KCNQ5: variants seen among roughly 807,000 people sequenced by gnomAD.
The protein encoded by KCNQ5 is potassium voltage-gated channel subfamily Q member 5.
KCNQ5 carries 30 observed loss-of-function variants against 98.2 expected under a neutral mutation model. That is an observed-to-expected ratio of 0.31 (90% CI 0.23 to 0.41). The LOEUF (loss-of-function observed/expected upper bound fraction) is 0.41, where lower values mean the gene tolerates loss of function less well. Ranked by LOEUF, KCNQ5 falls within the 10% of genes least tolerant of loss-of-function variation. KCNQ5 has a pLI of 1.00. For missense variants in KCNQ5, 835 were observed against 1,182.5 expected (o/e 0.71, Z 4.31); for synonymous variants, 458 against 449.4 (o/e 1.02, Z -0.24).
chr6:73,190,976 G>A (rs1289472370), intron 12 of KCNQ5, among the ~76,000 whole-genome samples: 5 of 152,214 alleles, frequency 3.3e-5, no homozygotes, highest in Admixed American at 3.3e-4. Context: ...GATTGAACAA[G>A]TTAATGCATG....
chr6:73,029,543 A>G (rs1221522824), intron 2 of KCNQ5, among the ~76,000 whole-genome samples: 2 of 150,654 alleles, frequency 1.3e-5, no homozygotes, highest in African/African-American at 2.4e-5. Context: ...TTCTTAATCT[A>G]TTGTTTAATG....
intron 2 of KCNQ5, among the ~76,000 whole-genome samples, chr6:73,009,416 G>A (rs955595738): frequency 1.3e-5 from 2 of 151,988 alleles, no homozygotes; most frequent in Non-Finnish European, 2.9e-5. Context: ...AAAAATTATA[G>A]CTATAAATGC....
At chr6:73,063,361 C>T (rs1046754505) in intron 3 of KCNQ5, among the ~76,000 whole-genome samples, 3 of 152,236 alleles carry the variant, frequency 2.0e-5, no homozygotes, top group Non-Finnish European at 2.9e-5. Context: ...AGTTGGTTGC[C>T]ATGAATTCTG....
chr6:72,941,341 CTTTCTTCCTTCCTTCT>C lies in KCNQ5; in HGVS notation c.399-62548_399-62533del, dbSNP rs1455229430. On this transcript the variant is annotated intron_variant, in intron 1 of 13. Coordinates refer to ENST00000370398, the MANE Select transcript of KCNQ5 (RefSeq NM_019842.4). ...CCTTCTTTCCTTCCTTCCTTCCTTC[CTTTCTTCCTTCCTTCT>C]TTTCTTCCTTCCTTCTTTCCTCCTT... is the stretch of plus-strand genomic sequence containing the variant. 2.9e-3 allele frequency among the ~76,000 whole-genome samples: 124 copies of C among 42,390 alleles called. 1 individual carries two copies. The highest frequency in any genetic ancestry group is 3.9e-3 in the Non-Finnish European group (36 of 9,178). The allele number at this position is 42,390 out of a possible 152,430, so 27.8% of individuals were successfully genotyped here. A position where few individuals can be genotyped will look rare whatever the true frequency, so the allele number is the denominator to read the frequency against.
chr6:73,193,996 C>T (rs1281114326), intron 13 of KCNQ5, among the ~76,000 whole-genome samples: 1 of 152,022 alleles, frequency 6.6e-6, no homozygotes, highest in African/African-American at 2.4e-5. Context: ...ACCACCACAC[C>T]TGGCTGATTT....
Position 73,195,064 on chromosome 6 carries a change from T to C in KCNQ5, c.2449T>C (p.Ser817Pro). ...SFDMGGETLL[S>P]VCPMVPKDLG... ...TGACATGGGAGGAGAAACTCTGTTG[T>C]CTGTCTGTCCCATGGTGCCGAAGGA... Residue 817 changes from serine to proline, a missense_variant, in exon 14 of 14, where the codon TCT becomes CCT. Ser to Pro is a moderately conservative substitution (Grantham distance 74). This residue lies in a region of KCNQ5 where 416 missense variants were observed against 446.9 expected (regional missense o/e 0.93). Coordinates refer to ENST00000370398, the MANE Select transcript of KCNQ5 (RefSeq NM_019842.4). 6.2e-7 allele frequency: 1 copy of C among 1,614,216 alleles called. No homozygotes were observed. The highest frequency in any genetic ancestry group is 8.5e-7 in the Non-Finnish European group (1 of 1,180,042).
At chr6:72,680,188 T>C (rs146005913) in intron 1 of KCNQ5, among the ~76,000 whole-genome samples, 18 of 152,292 alleles carry the variant, frequency 1.2e-4, no homozygotes, top group African/African-American at 4.1e-4. Context: ...GTACTCTCCA[T>C]CCCCTACCAC....
intron 10 of KCNQ5, among the ~76,000 whole-genome samples, chr6:73,166,078 C>T (rs1464147053): frequency 3.3e-5 from 5 of 152,066 alleles, no homozygotes; most frequent in Admixed American, 2.0e-4. Context: ...AGGTGTCGCT[C>T]GGCAAGTTTC....
intron 1 of KCNQ5, among the ~76,000 whole-genome samples, chr6:72,871,527 T>G (rs1027716337): frequency 1.1e-4 from 17 of 152,328 alleles, no homozygotes; most frequent in Admixed American, 3.3e-4. Context: ...AGCTACTCAC[T>G]AAAGTTAGAG....
intron 1 of KCNQ5, among the ~76,000 whole-genome samples, chr6:72,628,750 C>T (rs2098919268): frequency 6.6e-6 from 1 of 152,086 alleles, no homozygotes; most frequent in African/African-American, 2.4e-5. Flanking sequence ...GCTGGGATTA[C>T]AGACGTGCGC....
intron 1 of KCNQ5, among the ~76,000 whole-genome samples, chr6:72,656,931 A>C (rs1766227398): frequency 6.6e-6 from 1 of 152,208 alleles, no homozygotes; most frequent in Non-Finnish European, 1.5e-5. Flanking sequence ...GAATCAAGGT[A>C]CATTTTAAAG....
intron 1 of KCNQ5, among the ~76,000 whole-genome samples, chr6:72,952,990 G>A (rs1401060403): frequency 6.6e-6 from 1 of 152,122 alleles, no homozygotes; most frequent in African/African-American, 2.4e-5. Context: ...CCAGTAATGT[G>A]CTCTTGAATG....
chr6:72,739,362 G>A (rs1037651629), intron 1 of KCNQ5, among the ~76,000 whole-genome samples: 2 of 152,138 alleles, frequency 1.3e-5, no homozygotes, highest in Non-Finnish European at 2.9e-5. Context: ...TATGTCCAAA[G>A]GACTGAAGCA....
intron 10 of KCNQ5, among the ~76,000 whole-genome samples, chr6:73,153,285 T>C (rs1262123804): frequency 6.6e-6 from 1 of 152,188 alleles, no homozygotes; most frequent in East Asian, 1.9e-4. Context: ...ATTATGTTGT[T>C]GTCATCTCCT....
intron 1 of KCNQ5, among the ~76,000 whole-genome samples, chr6:72,846,214 T>C (rs1777014206): frequency 6.6e-6 from 1 of 152,142 alleles, no homozygotes; most frequent in Non-Finnish European, 1.5e-5. Context: ...ATTTGTTTCA[T>C]ATATATATAG....
At chr6:72,727,190 T>C (rs974815457) in intron 1 of KCNQ5, among the ~76,000 whole-genome samples, 1 of 152,220 alleles carries the variant, frequency 6.6e-6, no homozygotes, top group Non-Finnish European at 1.5e-5. Context: ...TGACCTGCCA[T>C]GGGGGCAAGA....
At chr6:72,957,496 A>G (rs1015737864) in intron 1 of KCNQ5, among the ~76,000 whole-genome samples, 6 of 152,098 alleles carry the variant, frequency 3.9e-5, no homozygotes, top group African/African-American at 1.4e-4. Context: ...AAATGCCAAT[A>G]CCAAGGCCTC....
intron 1 of KCNQ5, among the ~76,000 whole-genome samples, chr6:72,836,162 T>C (rs190832301): frequency 6.6e-6 from 1 of 152,252 alleles, no homozygotes; most frequent in African/African-American, 2.4e-5. Context: ...TAATTTTGAG[T>C]AGAAGTTAAG....
At chr6:72,828,091 T>C (rs1334359276) in intron 1 of KCNQ5, among the ~76,000 whole-genome samples, 1 of 152,162 alleles carries the variant, frequency 6.6e-6, no homozygotes, top group African/African-American at 2.4e-5. Context: ...CTTCTGTGTG[T>C]CTGTTTTTAT....
Sources: gnomAD v4.1 joint callset for allele counts (sites outside exome capture counted in the v4.1 genomes callset) on GRCh38, gnomAD v4.1.1 for gene constraint, gnomAD v4.1.1 regional missense constraint, MANE v1.5 for transcripts, NCBI Gene and HGNC (gene_info 2026-07-23, HGNC 2026-07-21) for gene names.